Variants in ZNF804A observed in about 807,000 individuals in gnomAD.
ZNF804A encodes the protein zinc finger protein 804A.
A neutral mutation model predicts 16.5 loss-of-function variants in ZNF804A; 2 were observed. The ratio of observed to expected loss-of-function variants is 0.12; its 90% CI spans 0.05 to 0.38. ZNF804A has a LOEUF of 0.38. Among genes scored for constraint, ZNF804A ranks in the 10% least tolerant of loss-of-function variants. ZNF804A has a pLI of 0.99. For synonymous variants in ZNF804A, 534 were observed against 489.6 expected (o/e 1.09, Z -1.20); for missense variants, 1,473 against 1,390.7 (o/e 1.06, Z -0.94).
intron 1 of ZNF804A, among the ~76,000 whole-genome samples, chr2:184,683,234 C>T (rs182901961): frequency 8.5e-5 from 13 of 152,080 alleles, no homozygotes; most frequent in Admixed American, 4.6e-4. Context: ...TTTTTAAACC[C>T]ACATTATTAT....
chr2:184,609,833 C>T (rs1427641758), intron 1 of ZNF804A, among the ~76,000 whole-genome samples: 5 of 152,224 alleles, frequency 3.3e-5, no homozygotes, highest in African/African-American at 9.6e-5. Context: ...ACAGAAGTCA[C>T]ATTCATAGCA....
intron 1 of ZNF804A, among the ~76,000 whole-genome samples, chr2:184,822,901 A>AT (rs1338845442): frequency 6.6e-6 from 1 of 151,984 alleles, no homozygotes; most frequent in African/African-American, 2.4e-5. Context: ...AGAAAATGTT[A>AT]TTTTTTTGTC....
At chr2:184,616,209 C>T (rs1167391999) in intron 1 of ZNF804A, among the ~76,000 whole-genome samples, 3 of 152,074 alleles carry the variant, frequency 2.0e-5, no homozygotes, top group South Asian at 2.1e-4. Context: ...TGCTTCCCAC[C>T]ATTCCCCTTT....
intron 1 of ZNF804A, among the ~76,000 whole-genome samples, chr2:184,746,413 A>G (rs1693790161): frequency 6.6e-6 from 1 of 151,096 alleles, no homozygotes; most frequent in African/African-American, 2.4e-5. Flanking sequence ...CAAAACAAAA[A>G]ATTGTGGGTA....
At chr2:184,809,071 G>T (rs2105785826) in intron 1 of ZNF804A, among the ~76,000 whole-genome samples, 1 of 151,826 alleles carries the variant, frequency 6.6e-6, no homozygotes, top group Non-Finnish European at 1.5e-5. Context: ...ACTTGAAGTA[G>T]TTAATTATTG....
chr2:184,728,855 G>A (rs895367848), intron 1 of ZNF804A, among the ~76,000 whole-genome samples: 1 of 151,814 alleles, frequency 6.6e-6, no homozygotes, highest in African/African-American at 2.4e-5. Context: ...ATACTATTTG[G>A]CTATTTTAAA....
At chr2:184,818,190 T>A (rs1366626990) in intron 1 of ZNF804A, among the ~76,000 whole-genome samples, 2 of 152,000 alleles carry the variant, frequency 1.3e-5, no homozygotes, top group Non-Finnish European at 2.9e-5. Flanking sequence ...GGGAATCTCA[T>A]CAGACTAACA....
At chr2:184,889,157 T>A (rs1212517406) in intron 2 of ZNF804A, among the ~76,000 whole-genome samples, 1 of 152,040 alleles carries the variant, frequency 6.6e-6, no homozygotes, top group African/African-American at 2.4e-5. Flanking sequence ...GTATTTTTTT[T>A]TTCTTTTTAC....
chr2:184,938,349 A>T lies in ZNF804A; in HGVS notation c.2953A>T (p.Asn985Tyr). Reference sequence around the variant, plus strand: ...TGAGGCCCTTCCACAAGGAAAGATGAATGAGACACCAACTGAGTGGCTGCG... The same window carrying T: ...TGAGGCCCTTCCACAAGGAAAGATGTATGAGACACCAACTGAGTGGCTGCG... ...LAEALPQGKM[N>Y]ETPTEWLRYN... Residue 985 changes from asparagine (N) to tyrosine (Y), a missense_variant, in exon 4 of 4, where the codon AAT becomes TAT. Coordinates refer to ENST00000302277, the MANE Select transcript of ZNF804A (RefSeq NM_194250.2). 1 of 1,614,178 alleles carries T rather than the reference A, an allele frequency of 6.2e-7. No homozygotes were observed. The highest frequency in any genetic ancestry group is 1.3e-5 in the African/African-American group (1 of 75,056).
intron 2 of ZNF804A, among the ~76,000 whole-genome samples, 188 bp downstream of exon 2, chr2:184,866,700 A>T (rs1209185613): frequency 6.6e-6 from 1 of 151,336 alleles, no homozygotes; most frequent in Non-Finnish European, 1.5e-5. Context: ...TTTAAAAAAA[A>T]AGGCACCAAT....
At chr2:184,930,429 C>T (rs1395113597) in intron 2 of ZNF804A, among the ~76,000 whole-genome samples, 2 of 152,114 alleles carry the variant, frequency 1.3e-5, no homozygotes, top group Non-Finnish European at 2.9e-5. Context: ...AAGTCTTATC[C>T]TACACAAATA....
intron 1 of ZNF804A, among the ~76,000 whole-genome samples, chr2:184,836,981 T>C (rs867432612): frequency 1.3e-5 from 2 of 151,906 alleles, no homozygotes; most frequent in Non-Finnish European, 2.9e-5. Flanking sequence ...ATGTACATGG[T>C]GTGTCTTCTT....
At chr2:184,756,416 T>G (rs1693959943) in intron 1 of ZNF804A, among the ~76,000 whole-genome samples, 1 of 151,998 alleles carries the variant, frequency 6.6e-6, no homozygotes, top group Non-Finnish European at 1.5e-5. Flanking sequence ...AATATGTTTC[T>G]GTAACTAAAG....
At chr2:184,805,922 G>T (rs779650122) in intron 1 of ZNF804A, among the ~76,000 whole-genome samples, 16 of 151,958 alleles carry the variant, frequency 1.1e-4, no homozygotes, top group Non-Finnish European at 2.2e-4. Context: ...TATATCAATA[G>T]TGAGGATTCT....
chr2:184,894,507 A>C (rs1685035940), intron 2 of ZNF804A, among the ~76,000 whole-genome samples: 3 of 151,764 alleles, frequency 2.0e-5, no homozygotes, highest in African/African-American at 7.3e-5. Flanking sequence ...GTTTTTATTT[A>C]TCTCTCTACT....
chr2:184,932,016 A>G (rs922165392), intron 2 of ZNF804A, among the ~76,000 whole-genome samples: 1 of 152,200 alleles, frequency 6.6e-6, no homozygotes, highest in Non-Finnish European at 1.5e-5. Context: ...AGTAACATTT[A>G]TTCCAGTTCC....
intron 1 of ZNF804A, among the ~76,000 whole-genome samples, chr2:184,698,695 G>A (rs113231273): frequency 1.2e-4 from 18 of 152,038 alleles, no homozygotes; most frequent in African/African-American, 3.4e-4. Context: ...GTTCAAGTAT[G>A]TCAGGTAGAC....
intron 1 of ZNF804A, among the ~76,000 whole-genome samples, chr2:184,645,435 G>A (rs542143930): frequency 2.3e-4 from 35 of 152,216 alleles, no homozygotes; most frequent in Middle Eastern, 3.4e-3. Context: ...CAGTTTATTA[G>A]CAAAATAAAG....
rs1237897785 is a variant in ZNF804A at position 184,866,291 on chromosome 2, C to G, written c.112-78C>G. The stretch of plus-strand genomic sequence containing the variant: ...TCTGTTTCTAACTCTAATTATTGTA[C>G]TATAGTTGACAACTGCTAAAACAAA... On this transcript the variant is annotated intron_variant, in intron 1 of 3. Transcript: ENST00000302277. 6.0e-5 allele frequency: 82 copies of G among 1,367,256 alleles called. 1 individual carries two copies. Among genetic ancestry groups the G allele is most frequent in the Non-Finnish European group, 8.3e-5 (81 of 979,010 alleles). 84.7% of individuals were successfully genotyped at this position (1,367,256 alleles called of 1,614,324 possible).
Sources: gnomAD v4.1 joint callset for allele counts (sites outside exome capture counted in the v4.1 genomes callset) on GRCh38, gnomAD v4.1.1 for gene constraint, MANE v1.5 for transcripts, NCBI Gene and HGNC (gene_info 2026-07-23, HGNC 2026-07-21) for gene names.